Variants in KIAA1217 observed in about 807,000 individuals in gnomAD.
The protein encoded by KIAA1217 is KIAA1217.
KIAA1217 carries 88 observed loss-of-function variants against 163.9 expected under a neutral mutation model. The ratio of observed to expected loss-of-function variants is 0.54; its 90% CI spans 0.45 to 0.64. The LOEUF is 0.64. Among genes scored for constraint, KIAA1217 ranks in the 30% least tolerant of loss-of-function variants. The pLI is 0.00. For synonymous variants in KIAA1217, 903 were observed against 923.1 expected (o/e 0.98, Z 0.39); for missense variants, 2,372 against 2,475.0 (o/e 0.96, Z 0.88).
At chr10:24,230,511 T>TTG (rs1347807834) in intron 2 of KIAA1217, among the ~76,000 whole-genome samples, 6 of 141,078 alleles carry the variant, frequency 4.3e-5, no homozygotes, top group Non-Finnish European at 9.2e-5. Context: ...TGTTTTTTTT[T>TTG]TTTTTTTTTT....
chr10:23,721,712 T>A (rs1433350302), intron 1 of KIAA1217, among the ~76,000 whole-genome samples: 2 of 152,168 alleles, frequency 1.3e-5, no homozygotes, highest in Non-Finnish European at 2.9e-5. Flanking sequence ...CATTTAGGAA[T>A]CATATTTTTT....
chr10:24,309,919 A>C (rs1202128062), intron 2 of KIAA1217, among the ~76,000 whole-genome samples: 1 of 152,196 alleles, frequency 6.6e-6, no homozygotes, highest in Admixed American at 6.5e-5. Context: ...CTTTATGAGC[A>C]GTGCAATAAT....
chr10:24,335,678 T>C (rs1172500321), intron 2 of KIAA1217, among the ~76,000 whole-genome samples: 1 of 150,876 alleles, frequency 6.6e-6, no homozygotes, highest in Non-Finnish European at 1.5e-5. Context: ...GGCAAGATCA[T>C]AGCTCACTGC....
chr10:24,545,915 G>C lies in KIAA1217; in HGVS notation c.5423G>C (p.Ser1808Thr). Residue 1808 changes from serine (S) to threonine (T), a missense_variant, in exon 21 of 21, where the codon AGC becomes ACC. Physicochemically the swap from Ser to Thr is moderately conservative, Grantham distance 58. Coordinates refer to ENST00000376454, the MANE Select transcript of KIAA1217 (RefSeq NM_019590.5). ...TCTAAGATTCCAGCCCTTTCTCCCAGCTCTGGGAAAAGCAGTTCTCTGCCC... is the reference window on the plus strand; with the variant it reads ...TCTAAGATTCCAGCCCTTTCTCCCACCTCTGGGAAAAGCAGTTCTCTGCCC... ...PASKIPALSP[S>T]SGKSSSLPSS... 1.2e-6 allele frequency: 2 copies of C among 1,614,066 alleles called. No individual in the cohort carries two copies. Among genetic ancestry groups the C allele is most frequent in the Non-Finnish European group, 1.7e-6 (2 of 1,180,020 alleles).
intron 2 of KIAA1217, among the ~76,000 whole-genome samples, chr10:24,138,072 G>T (rs1419078233): frequency 1.3e-4 from 20 of 152,164 alleles, no homozygotes; most frequent in Admixed American, 1.2e-3. Flanking sequence ...GTAGCATAAG[G>T]TTCTTTCCAA....
At chr10:23,721,112 T>C (rs1235591445) in intron 1 of KIAA1217, among the ~76,000 whole-genome samples, 2 of 152,186 alleles carry the variant, frequency 1.3e-5, no homozygotes, top group East Asian at 1.9e-4. Context: ...GAATACGACA[T>C]GTGAGAACTT....
intron 1 of KIAA1217, among the ~76,000 whole-genome samples, chr10:23,834,080 G>A (rs887427916): frequency 1.3e-5 from 2 of 151,886 alleles, no homozygotes; most frequent in African/African-American, 2.4e-5. Flanking sequence ...GATGTTTTTG[G>A]CTGTCTTTGC....
At chr10:24,385,743 C>G (rs1223388758) in intron 3 of KIAA1217, among the ~76,000 whole-genome samples, 1 of 152,182 alleles carries the variant, frequency 6.6e-6, no homozygotes, top group Non-Finnish European at 1.5e-5. Context: ...TTCTCCTTTA[C>G]TCTCTCTTCA....
intron 10 of KIAA1217, among the ~76,000 whole-genome samples, 169 bp from the exon 11 acceptor site, chr10:24,519,954 G>A (rs2070824259): frequency 6.6e-6 from 1 of 152,128 alleles, no homozygotes; most frequent in African/African-American, 2.4e-5. Flanking sequence ...AATGTTCCCA[G>A]CCACTGTTAA....
intron 5 of KIAA1217, among the ~76,000 whole-genome samples, chr10:24,461,225 AT>A (rs1383439804): frequency 6.6e-6 from 1 of 150,622 alleles, no homozygotes; most frequent in African/African-American, 2.4e-5. Flanking sequence ...ATATATATAC[AT>A]TTTAATTTTC....
chr10:24,049,754 G>A (rs567027077), intron 2 of KIAA1217, among the ~76,000 whole-genome samples: 2 of 152,280 alleles, frequency 1.3e-5, no homozygotes, highest in South Asian at 4.1e-4. Flanking sequence ...TCTAAATAGT[G>A]CTGCAGTAAA....
intron 2 of KIAA1217, among the ~76,000 whole-genome samples, chr10:24,319,207 G>A (rs1201783750): frequency 2.0e-5 from 3 of 151,916 alleles, no homozygotes; most frequent in Non-Finnish European, 2.9e-5. Flanking sequence ...GCGAAACACC[G>A]TCTCTACTAA....
intron 2 of KIAA1217, among the ~76,000 whole-genome samples, chr10:24,077,864 CT>C (rs1171074365): frequency 6.6e-6 from 1 of 152,144 alleles, no homozygotes; most frequent in African/African-American, 2.4e-5. Flanking sequence ...TGTTTTTTGA[CT>C]TCTTTATAAT....
At chr10:23,999,610 T>G (rs560091987) in intron 1 of KIAA1217, among the ~76,000 whole-genome samples, 12 of 152,098 alleles carry the variant, frequency 7.9e-5, no homozygotes, top group Non-Finnish European at 1.5e-4. Context: ...CCCTTTCCAC[T>G]TAGATTAAGG....
At chr10:24,422,816 A>C (rs2058838437) in intron 3 of KIAA1217, among the ~76,000 whole-genome samples, 1 of 152,098 alleles carries the variant, frequency 6.6e-6, no homozygotes. Context: ...GAGTGCCTCC[A>C]AGCAGAACTC....
At chr10:24,228,886 A>G (rs1008182822) in intron 2 of KIAA1217, among the ~76,000 whole-genome samples, 6 of 152,220 alleles carry the variant, frequency 3.9e-5, no homozygotes, top group Non-Finnish European at 7.3e-5. Context: ...ATATTAACAG[A>G]TATTCCTATC....
intron 6 of KIAA1217, among the ~76,000 whole-genome samples, chr10:24,479,957 A>G (rs1173768833): frequency 6.6e-6 from 1 of 152,108 alleles, no homozygotes; most frequent in African/African-American, 2.4e-5. Context: ...TAACCCAAAC[A>G]CCTTCCACTA....
At chr10:23,889,593 T>A (rs1475611393) in intron 1 of KIAA1217, among the ~76,000 whole-genome samples, 1 of 151,920 alleles carries the variant, frequency 6.6e-6, no homozygotes, top group Non-Finnish European at 1.5e-5. Context: ...AGAGAAATAT[T>A]TGTATCCTTA....
intron 1 of KIAA1217, among the ~76,000 whole-genome samples, chr10:23,886,546 C>T (rs993991388): frequency 1.3e-5 from 2 of 151,968 alleles, no homozygotes; most frequent in South Asian, 4.1e-4. Context: ...CAACGTGTTT[C>T]ATTTTTAACA....
Sources: allele counts gnomAD v4.1 joint callset (sites outside exome capture counted in the v4.1 genomes callset), GRCh38; gene constraint gnomAD v4.1.1; transcripts MANE v1.5; gene names NCBI Gene and HGNC (gene_info 2026-07-23, HGNC 2026-07-21).